MRPS35: variants seen among roughly 807,000 people sequenced by gnomAD.
MRPS35 encodes small ribosomal subunit protein mS35.
Under a neutral mutation model 32.7 loss-of-function variants are expected in MRPS35, and 29 were observed. That is an observed-to-expected ratio of 0.89 (90% CI 0.66 to 1.21). The LOEUF (loss-of-function observed/expected upper bound fraction) is 1.21. Ranked by LOEUF, MRPS35 falls within the 50% of genes most tolerant of loss-of-function variation. The pLI is 0.00. For synonymous variants in MRPS35, 148 were observed against 139.3 expected, an observed-to-expected ratio of 1.06 and a Z score of -0.44; for missense variants, 373 against 383.8, an observed-to-expected ratio of 0.97 and a Z score of 0.23.
In MRPS35 at chr12:27,735,456, T is replaced by A. The variant is rs2061939720; in HGVS notation, c.532T>A (p.Ser178Thr). 1.2e-6 allele frequency: 2 copies of A among 1,603,754 alleles called. No individual in the cohort carries two copies. The highest frequency in any genetic ancestry group is 1.7e-6 in the Non-Finnish European group (2 of 1,175,996). The stretch of plus-strand genomic sequence containing the variant: ...TTTTCTTATTTTTAAGGTAAAGCTT[T>A]CCAGTTTGAATTTAGATGATCACGC... Reference protein sequence around the residue: ...ARVVVLRVKLSSLNLDDHAKK... With the variant: ...ARVVVLRVKLTSLNLDDHAKK... Residue 178 changes from serine to threonine, a missense_variant, in exon 6 of 8, where the codon TCC (serine) becomes ACC (threonine). Coordinates refer to ENST00000081029, the MANE Select transcript of MRPS35 (RefSeq NM_021821.4).
chr12:27,711,267 T>C (rs1471278867), intron 1 of MRPS35, among the ~76,000 whole-genome samples: 3 of 152,232 alleles, frequency 2.0e-5, no homozygotes, highest in African/African-American at 7.2e-5. Flanking sequence ...TGGTGCTGTG[T>C]TGTTTATCGG....
At chr12:27,719,952 T>A in intron 4 of MRPS35, 84 bp downstream of exon 4, 1 of 1,009,108 alleles carries the variant, frequency 9.9e-7, no homozygotes, top group East Asian at 2.4e-5. Flanking sequence ...CTGTATAGCC[T>A]TATATTCAAG....
At chr12:27,731,718 T>C (rs2061922749) in intron 5 of MRPS35, among the ~76,000 whole-genome samples, 2 of 152,000 alleles carry the variant, frequency 1.3e-5, no homozygotes. Flanking sequence ...ATAGGAATGC[T>C]CCACCACACC....
chr12:27,737,500 T>C, intron 6 of MRPS35, 39 bp from the exon 7 acceptor site: 1 of 1,558,790 alleles, frequency 6.4e-7, no homozygotes, highest in South Asian at 1.1e-5. Flanking sequence ...GTGTACTGAG[T>C]TTTTAGAATT....
chr12:27,730,029 C>G (rs990116042), intron 5 of MRPS35, among the ~76,000 whole-genome samples: 2 of 152,120 alleles, frequency 1.3e-5, no homozygotes, highest in Non-Finnish European at 1.5e-5. Context: ...CAGAAAGGTT[C>G]CAAGAATAGT....
At chr12:27,714,075 C>CAAAAAAAAA (rs34481044) in intron 1 of MRPS35, among the ~76,000 whole-genome samples, 1 of 78,584 alleles carries the variant, frequency 1.3e-5, no homozygotes, top group African/African-American at 4.1e-5. Flanking sequence ...GACCTTGTCT[C>CAAAAAAAAA]AAAAAAAAAA....
At position 27,755,411 on chromosome 12, in the gene MRPS35, G is replaced by A; in HGVS notation, c.933G>A (p.Gln311=). 6.3e-7 allele frequency: 1 copy of A among 1,589,600 alleles called. No individual in the cohort carries two copies. Among genetic ancestry groups the A allele is most frequent in the South Asian group, 1.2e-5 (1 of 84,326 alleles). The change falls in exon 8 of 8, where the codon CAG becomes CAA. Residue 311 remains glutamine, a synonymous_variant. Coordinates refer to ENST00000081029, the MANE Select transcript of MRPS35 (RefSeq NM_021821.4). ...NEEENENSIS[Q]YKESVKRLLN... is the part of the protein sequence containing the mutation. ...AGGAAAATGAAAATTCCATTTCTCA[G>A]TACAAAGAATCCGTGAAGAGACTAT...
chr12:27,726,555 G>A (rs2061901401), intron 5 of MRPS35, among the ~76,000 whole-genome samples: 2 of 152,198 alleles, frequency 1.3e-5, no homozygotes, highest in South Asian at 4.1e-4. Flanking sequence ...AACATTTTGA[G>A]GAACTGCCAA....
chr12:27,727,914 T>C (rs2061906816), intron 5 of MRPS35, among the ~76,000 whole-genome samples: 1 of 152,116 alleles, frequency 6.6e-6, no homozygotes, highest in South Asian at 2.1e-4. Flanking sequence ...CATCCTCCTA[T>C]ATACTTTGTC....
intron 5 of MRPS35, among the ~76,000 whole-genome samples, chr12:27,729,257 C>A (rs1431362799): frequency 6.6e-6 from 1 of 152,032 alleles, no homozygotes; most frequent in African/African-American, 2.4e-5. Context: ...TTATCCCGGA[C>A]CTGGAATCAG....
intron 7 of MRPS35, among the ~76,000 whole-genome samples, chr12:27,749,953 A>G (rs1371516776): frequency 6.6e-6 from 1 of 152,234 alleles, no homozygotes; most frequent in Non-Finnish European, 1.5e-5. Flanking sequence ...CATGGTAAAT[A>G]CCATCTTATA....
intron 7 of MRPS35, among the ~76,000 whole-genome samples, chr12:27,754,783 A>G (rs1276451233): frequency 6.6e-6 from 1 of 151,966 alleles, no homozygotes; most frequent in African/African-American, 2.4e-5. Context: ...AAAAAAAAAA[A>G]AAAGTGAAAT....
intron 5 of MRPS35, among the ~76,000 whole-genome samples, chr12:27,728,531 A>C (rs2061909141): frequency 6.6e-6 from 1 of 152,164 alleles, no homozygotes; most frequent in Non-Finnish European, 1.5e-5. Context: ...CACATGTAAC[A>C]AAATTGTCAG....
At chr12:27,717,692 AAG>A (rs2061856524) in intron 3 of MRPS35, among the ~76,000 whole-genome samples, 1 of 152,252 alleles carries the variant, frequency 6.6e-6, no homozygotes, top group Admixed American at 6.5e-5. Flanking sequence ...CTTTGAATGA[AAG>A]AAGATAATTT....
At position 27,755,257 on chromosome 12, in the gene MRPS35, G is replaced by T. The variant is rs750474521; in HGVS notation, c.779G>T (p.Arg260Ile). The T allele has an allele frequency of 1.9e-6, 3 of 1,611,486 alleles. No homozygotes were observed. The East Asian group carries it at 6.7e-5, about 36-fold the overall frequency. The stretch of plus-strand genomic sequence containing the variant: ...ATATGGGAAAATAGCTCATCAGAAA[G>T]AAATATCCTGGAAACGCTTCTCCAG... ...EYIWENSSSERNILETLLQMK... is the reference protein window; with the variant it reads ...EYIWENSSSEINILETLLQMK... The change falls in exon 8 of 8, where the codon AGA (arginine) becomes ATA (isoleucine). Residue 260 changes from arginine to isoleucine, a missense_variant. By Grantham distance (97) the Arg-to-Ile change is moderately conservative. Coordinates refer to ENST00000081029, the MANE Select transcript of MRPS35 (RefSeq NM_021821.4).
At chr12:27,723,450 C>A (rs1369915711) in intron 4 of MRPS35, among the ~76,000 whole-genome samples, 3 of 152,146 alleles carry the variant, frequency 2.0e-5, no homozygotes, top group African/African-American at 7.2e-5. Context: ...TTCCATTTAA[C>A]CCCATTGGCA....
chr12:27,711,853 C>T (rs2061826032), intron 1 of MRPS35, among the ~76,000 whole-genome samples: 1 of 59,548 alleles, frequency 1.7e-5, no homozygotes, highest in African/African-American at 5.4e-5. Flanking sequence ...ACTGGCTCTT[C>T]ATAGGTCTAA....
intron 7 of MRPS35, among the ~76,000 whole-genome samples, chr12:27,747,094 C>T (rs1299917122): frequency 1.3e-5 from 2 of 152,206 alleles, no homozygotes; most frequent in Non-Finnish European, 2.9e-5. Context: ...TTTGCCACCT[C>T]ATTACCAGCA....
intron 3 of MRPS35, among the ~76,000 whole-genome samples, chr12:27,717,927 G>T (rs948705198): frequency 1.3e-5 from 2 of 151,976 alleles, no homozygotes; most frequent in African/African-American, 4.8e-5. Flanking sequence ...ATTGTCTATT[G>T]TTTTTTCCTT....
Sources: gnomAD v4.1 joint callset for allele counts (sites outside exome capture counted in the v4.1 genomes callset) on GRCh38, gnomAD v4.1.1 for gene constraint, MANE v1.5 for transcripts, NCBI Gene and HGNC (gene_info 2026-07-23, HGNC 2026-07-21) for gene names.